The following CRPPA variants were observed in gnomAD, a reference collection of about 807,000 sequenced individuals.
CRPPA encodes the protein D-ribitol-5-phosphate cytidylyltransferase.
A neutral mutation model predicts 52.0 loss-of-function variants in CRPPA; 43 were observed. The ratio of observed to expected loss-of-function variants is 0.83; its 90% CI spans 0.65 to 1.07. CRPPA has a LOEUF of 1.07. CRPPA is among the 50% of genes least tolerant of loss of function. CRPPA has a pLI of 0.00. For synonymous variants in CRPPA, 250 were observed against 203.5 expected (o/e 1.23, Z -1.94); for missense variants, 629 against 551.7 (o/e 1.14, Z -1.40).
chr7:16,222,116 A>G (rs1782526556), intron 8 of CRPPA, among the ~76,000 whole-genome samples: 1 of 151,936 alleles, frequency 6.6e-6, no homozygotes, highest in African/African-American at 2.4e-5. Context: ...CTATGCAGCC[A>G]TAAAAAATGA....
At chr7:16,247,377 T>C (rs1783305250) in intron 8 of CRPPA, among the ~76,000 whole-genome samples, 1 of 152,172 alleles carries the variant, frequency 6.6e-6, no homozygotes, top group Admixed American at 6.5e-5. Flanking sequence ...ATTTCAGTAT[T>C]GTTTTGTTTC....
At chr7:16,302,697 A>T (rs1341819514) in intron 4 of CRPPA, among the ~76,000 whole-genome samples, 1 of 152,196 alleles carries the variant, frequency 6.6e-6, no homozygotes, top group African/African-American at 2.4e-5. Flanking sequence ...GAACTAGGTG[A>T]GTGCCAGGTG....
At chr7:16,295,261 G>T (rs190103729) in intron 5 of CRPPA, among the ~76,000 whole-genome samples, 26 of 152,200 alleles carry the variant, frequency 1.7e-4, no homozygotes, top group Non-Finnish European at 2.9e-5. Flanking sequence ...TGAATAAGAT[G>T]TAAGTTTCTG....
intron 3 of CRPPA, among the ~76,000 whole-genome samples, chr7:16,354,454 T>C (rs10255266): frequency 0.41 from 62,413 of 151,892 alleles, 12,935 homozygotes; most frequent in East Asian, 0.46. Context: ...AGTCTGACTT[T>C]CTAAAACTCT....
At chr7:16,283,377 C>T (rs550299282) in intron 5 of CRPPA, among the ~76,000 whole-genome samples, 52 of 150,232 alleles carry the variant, frequency 3.5e-4, no homozygotes, top group African/African-American at 1.2e-3. Flanking sequence ...GATACAAGAA[C>T]ACAAATAGCT....
At chr7:16,397,730 ATG>A (rs1336954485) in intron 2 of CRPPA, among the ~76,000 whole-genome samples, 1 of 152,100 alleles carries the variant, frequency 6.6e-6, no homozygotes, top group Non-Finnish European at 1.5e-5. Context: ...CGTTTGAGAC[ATG>A]TGACTGACGC....
At chr7:16,394,221 CA>C (rs1483414142) in intron 2 of CRPPA, among the ~76,000 whole-genome samples, 1 of 151,902 alleles carries the variant, frequency 6.6e-6, no homozygotes, top group Non-Finnish European at 1.5e-5. Context: ...TTTACATCAG[CA>C]AAAAATTAGA....
intron 9 of CRPPA, among the ~76,000 whole-genome samples, chr7:16,200,347 A>G (rs572042998): frequency 2.8e-4 from 42 of 152,330 alleles, no homozygotes; most frequent in African/African-American, 9.9e-4. Context: ...GAAATTGGAA[A>G]TGTTAGACTA....
intron 3 of CRPPA, among the ~76,000 whole-genome samples, chr7:16,317,055 C>T (rs999092648): frequency 3.9e-5 from 6 of 152,068 alleles, no homozygotes; most frequent in Non-Finnish European, 8.8e-5. Context: ...TACATTACAA[C>T]TCATAATATG....
chr7:16,333,751 A>C (rs1177232347), intron 3 of CRPPA, among the ~76,000 whole-genome samples: 1 of 152,156 alleles, frequency 6.6e-6, no homozygotes, highest in Non-Finnish European at 1.5e-5. Flanking sequence ...CTTCTCCCCC[A>C]ATTTCACAAA....
intron 9 of CRPPA, among the ~76,000 whole-genome samples, chr7:16,120,388 T>C (rs1782458146): frequency 6.6e-6 from 1 of 152,092 alleles, no homozygotes; most frequent in African/African-American, 2.4e-5. Context: ...ATCAAGTGAG[T>C]TTAACCAGAA....
chr7:16,135,560 A>G (rs567718237), intron 9 of CRPPA, among the ~76,000 whole-genome samples: 1 of 152,286 alleles, frequency 6.6e-6, no homozygotes, highest in Non-Finnish European at 1.5e-5. Flanking sequence ...CATTCTGATA[A>G]AAAGGCCAGA....
intron 3 of CRPPA, among the ~76,000 whole-genome samples, chr7:16,349,630 G>A (rs1329711520): frequency 1.3e-5 from 2 of 151,820 alleles, no homozygotes; most frequent in African/African-American, 2.4e-5. Flanking sequence ...AACTGAAAAC[G>A]TCAATGGAAT....
intron 3 of CRPPA, among the ~76,000 whole-genome samples, chr7:16,375,148 ACCATGG>A (rs1786848575): frequency 6.6e-6 from 1 of 152,188 alleles, no homozygotes; most frequent in Non-Finnish European, 1.5e-5. Flanking sequence ...TTCTACGATG[ACCATGG>A]ATCAGCTTGT....
At chr7:16,143,364 T>C (rs901991229) in intron 9 of CRPPA, among the ~76,000 whole-genome samples, 8 of 152,178 alleles carry the variant, frequency 5.3e-5, no homozygotes, top group South Asian at 2.1e-4. Context: ...AATGTCAATA[T>C]TAAAGTCAGT....
intron 9 of CRPPA, among the ~76,000 whole-genome samples, chr7:16,108,750 T>G (rs1008241319): frequency 2.0e-5 from 3 of 151,868 alleles, no homozygotes; most frequent in Non-Finnish European, 4.4e-5. Context: ...AAAATTATAT[T>G]AAGTCTCTTT....
intron 1 of CRPPA, among the ~76,000 whole-genome samples, chr7:16,417,624 G>A (rs56176134): frequency 0.15 from 22,891 of 152,062 alleles, 1,971 homozygotes; most frequent in Admixed American, 0.19. Flanking sequence ...AACAGACACT[G>A]GGGATCACTA....
chr7:16,298,821 G>A (rs185197992), intron 5 of CRPPA, among the ~76,000 whole-genome samples: 1 of 152,252 alleles, frequency 6.6e-6, no homozygotes, highest in Admixed American at 6.5e-5. Flanking sequence ...CTGAGGTCCT[G>A]AACAGAACAA....
chr7:16,301,580 C>A, intron 4 of CRPPA, 114 bp from the exon 5 acceptor site: 2 of 606,664 alleles, frequency 3.3e-6, no homozygotes, highest in East Asian at 2.8e-5. Flanking sequence ...ACATGTAATA[C>A]TGACATTTTC....
Sources: gnomAD v4.1 joint callset for allele counts (sites outside exome capture counted in the v4.1 genomes callset) on GRCh38, gnomAD v4.1.1 for gene constraint, MANE v1.5 for transcripts, NCBI Gene and HGNC (gene_info 2026-07-23, HGNC 2026-07-21) for gene names.